Variants in TRHDE observed in about 807,000 individuals in gnomAD.
TRHDE encodes thyrotropin releasing hormone degrading enzyme, also known as thyrotropin-releasing hormone-degrading ectoenzyme.
A neutral mutation model predicts 125.7 loss-of-function variants in TRHDE; 72 were observed. The ratio of observed to expected loss-of-function variants is 0.57; its 90% confidence interval spans 0.47 to 0.70. TRHDE has a LOEUF of 0.70. TRHDE is among the 30% of genes least tolerant of loss of function. TRHDE has a pLI of 0.00. For missense variants in TRHDE, 1,110 were observed against 1,327.1 expected (o/e 0.84, Z 2.54); for synonymous variants, 509 against 509.1 (o/e 1.00, Z 0.00).
At chr12:72,364,882 C>T (rs890722222) in intron 2 of TRHDE, among the ~76,000 whole-genome samples, 22 of 152,004 alleles carry the variant, frequency 1.4e-4, no homozygotes, top group South Asian at 6.2e-4. Flanking sequence ...TTTGATCAGG[C>T]GTAAAATAGA....
chr12:72,094,859 T>C (rs543990892), intron 1 of TRHDE, among the ~76,000 whole-genome samples: 8 of 152,194 alleles, frequency 5.3e-5, no homozygotes, highest in Non-Finnish European at 1.0e-4. Context: ...TCCTCAGTCA[T>C]AGGTTCCGCC....
At chr12:72,642,306 A>T (rs1335247298) in intron 15 of TRHDE, among the ~76,000 whole-genome samples, 2 of 152,144 alleles carry the variant, frequency 1.3e-5, no homozygotes, top group Admixed American at 1.3e-4. Context: ...TTTACTTCTA[A>T]AGCATTTGCT....
chr12:72,611,704 G>C (rs964487016), intron 12 of TRHDE, among the ~76,000 whole-genome samples: 1 of 152,124 alleles, frequency 6.6e-6, no homozygotes, highest in Non-Finnish European at 1.5e-5. Context: ...AATTGTCTAG[G>C]TTGTGGCATA....
intron 6 of TRHDE, among the ~76,000 whole-genome samples, chr12:72,515,995 A>T (rs1004479223): frequency 6.8e-6 from 1 of 146,984 alleles, no homozygotes; most frequent in Non-Finnish European, 1.5e-5. Context: ...TGTTCCATTG[A>T]TCTATATCTC....
In TRHDE at chr12:72,499,501, A is replaced by G; in HGVS notation, c.1588A>G (p.Lys530Glu). Residue 530 changes from lysine (K) to glutamate (E), a missense_variant, in exon 6 of 19, where the codon AAG becomes GAG. By Grantham distance (56) the Lys-to-Glu change is moderately conservative. Around this residue, in one of 5 missense-constraint regions of TRHDE, gnomAD observed 527 missense variants for 651.8 expected, o/e 0.81. Coordinates refer to ENST00000261180, the MANE Select transcript of TRHDE (RefSeq NM_013381.3). ...DYLYPGWNME[K>E]QRFLTDVLHE... is the part of the protein sequence containing the mutation. The stretch of plus-strand genomic sequence containing the variant: ...TGCCCCGTCTGCTGTATTGCAGGAA[A>G]AGCAGAGGTTTCTGACCGATGTTCT... The G allele has an allele frequency of 6.2e-7, 1 of 1,613,550 alleles. No individual in the cohort carries two copies. The highest frequency in any genetic ancestry group is 8.5e-7 in the Non-Finnish European group (1 of 1,179,718).
At chr12:72,330,570 T>C (rs1869548766) in intron 2 of TRHDE, among the ~76,000 whole-genome samples, 1 of 152,058 alleles carries the variant, frequency 6.6e-6, no homozygotes, top group African/African-American at 2.4e-5. Flanking sequence ...ACGTAGGCAA[T>C]TGGATAAGCA....
At chr12:72,417,788 T>A (rs1873792294) in intron 3 of TRHDE, among the ~76,000 whole-genome samples, 1 of 151,968 alleles carries the variant, frequency 6.6e-6, no homozygotes, top group African/African-American at 2.4e-5. Flanking sequence ...ATTTCCTCAA[T>A]ACAAATATTA....
intron 3 of TRHDE, among the ~76,000 whole-genome samples, chr12:72,435,697 T>C (rs1412591078): frequency 6.6e-6 from 1 of 151,544 alleles, no homozygotes; most frequent in Non-Finnish European, 1.5e-5. Flanking sequence ...GTGTTTGTTC[T>C]GAATGAAGTG....
chr12:72,477,901 C>A (rs1282398591), intron 5 of TRHDE, among the ~76,000 whole-genome samples: 1 of 152,030 alleles, frequency 6.6e-6, no homozygotes, highest in Admixed American at 6.5e-5. Context: ...TATAGCATTA[C>A]AAGAAAGTGC....
intron 2 of TRHDE, among the ~76,000 whole-genome samples, chr12:72,364,547 GCA>G (rs1305096194): frequency 6.6e-6 from 1 of 151,940 alleles, no homozygotes; most frequent in Non-Finnish European, 1.5e-5. Flanking sequence ...ATAAGTCCTG[GCA>G]CAGAGTAGCC....
At chr12:72,528,754 G>A (rs1005625983) in intron 6 of TRHDE, among the ~76,000 whole-genome samples, 1 of 151,970 alleles carries the variant, frequency 6.6e-6, no homozygotes, top group African/African-American at 2.4e-5. Flanking sequence ...CCAAAGTGCT[G>A]GGATTACAGG....
intron 2 of TRHDE, among the ~76,000 whole-genome samples, chr12:72,213,202 T>A (rs1877818823): frequency 6.6e-6 from 1 of 151,992 alleles, no homozygotes; most frequent in Non-Finnish European, 1.5e-5. Flanking sequence ...GGGGAGTGTA[T>A]TGAGAGTGAC....
chr12:72,158,235 T>G (rs929495627), intron 2 of TRHDE, among the ~76,000 whole-genome samples: 1 of 151,964 alleles, frequency 6.6e-6, no homozygotes, highest in Non-Finnish European at 1.5e-5. Context: ...AGGAATGGGA[T>G]GAAAGCTAGA....
At chr12:72,610,006 CTG>C (rs1178616382) in intron 12 of TRHDE, among the ~76,000 whole-genome samples, 2 of 152,116 alleles carry the variant, frequency 1.3e-5, no homozygotes, top group South Asian at 2.1e-4. Flanking sequence ...ATCATAAACT[CTG>C]TGGATTATTT....
At chr12:72,208,762 A>T (rs576844567) in intron 2 of TRHDE, among the ~76,000 whole-genome samples, 1 of 152,324 alleles carries the variant, frequency 6.6e-6, no homozygotes, top group African/African-American at 2.4e-5. Flanking sequence ...TTGCCATGAA[A>T]ACTATCAATC....
chr12:72,159,799 T>A (rs773324748), intron 2 of TRHDE, among the ~76,000 whole-genome samples: 21 of 152,190 alleles, frequency 1.4e-4, no homozygotes, highest in Non-Finnish European at 2.6e-4. Flanking sequence ...TCTCTGTCTT[T>A]TCTCTGCTTT....
chr12:72,646,326 A>T (rs867793909), intron 15 of TRHDE, among the ~76,000 whole-genome samples: 15 of 152,146 alleles, frequency 9.9e-5, no homozygotes, highest in Non-Finnish European at 1.3e-4. Context: ...AAGCACACTA[A>T]TAAAGCCCTA....
chr12:72,215,861 C>T (rs2730668), intron 2 of TRHDE, among the ~76,000 whole-genome samples: 112,625 of 152,048 alleles, frequency 0.74, 41,977 homozygotes, highest in Non-Finnish European at 0.76. Flanking sequence ...CCTTTGAATA[C>T]GGAAGAGGAT....
At chr12:72,151,773 G>C (rs1876372406) in intron 2 of TRHDE, among the ~76,000 whole-genome samples, 1 of 152,132 alleles carries the variant, frequency 6.6e-6, no homozygotes, top group African/African-American at 2.4e-5. Flanking sequence ...TTTGGTACCA[G>C]TACCATGCTG....
Sources: gnomAD v4.1 joint callset for allele counts (sites outside exome capture counted in the v4.1 genomes callset) on GRCh38, gnomAD v4.1.1 for gene constraint, gnomAD v4.1.1 regional missense constraint, MANE v1.5 for transcripts, NCBI Gene and HGNC (gene_info 2026-07-23, HGNC 2026-07-21) for gene names.